FMN2: variants seen among roughly 807,000 people sequenced by gnomAD.
FMN2 encodes the protein formin-2.
FMN2 carries 51 observed loss-of-function variants against 142.3 expected under a neutral mutation model. The ratio of observed to expected loss-of-function variants is 0.36; its 90% CI spans 0.29 to 0.45. The LOEUF is 0.45. Among genes scored for constraint, FMN2 ranks in the 20% least tolerant of loss-of-function variants. The pLI is 1.00. For missense variants in FMN2, 1,936 were observed against 2,122.8 expected (o/e 0.91, Z 1.73); for synonymous variants, 882 against 869.8 (o/e 1.01, Z -0.25).
intron 14 of FMN2, among the ~76,000 whole-genome samples, chr1:240,382,647 TGA>T (rs1274757561): frequency 6.6e-6 from 1 of 151,272 alleles, no homozygotes; most frequent in Non-Finnish European, 1.5e-5. Flanking sequence ...GGTGACAGAG[TGA>T]GACTCCCTCT....
intron 2 of FMN2, among the ~76,000 whole-genome samples, chr1:240,137,372 TGTG>T (rs530362629): frequency 1.5e-3 from 223 of 152,292 alleles, no homozygotes; most frequent in African/African-American, 5.3e-3. Context: ...AGTCCACTGT[TGTG>T]GTGTAAAAGC....
intron 7 of FMN2, among the ~76,000 whole-genome samples, chr1:240,293,594 T>C (rs1669864577): frequency 6.6e-6 from 1 of 152,176 alleles, no homozygotes; most frequent in Non-Finnish European, 1.5e-5. Context: ...ACTGTGCCTT[T>C]ACTACTTTGA....
chr1:240,257,865 A>G, intron 6 of FMN2, 80 bp from the exon 7 acceptor site: 1 of 1,167,034 alleles, frequency 8.6e-7, no homozygotes, highest in Non-Finnish European at 1.3e-6. Flanking sequence ...TTTGTTCTTC[A>G]TTTAGGATTT....
chr1:240,299,736 C>T (rs1384984709), intron 8 of FMN2, among the ~76,000 whole-genome samples: 3 of 152,018 alleles, frequency 2.0e-5, no homozygotes, highest in East Asian at 3.9e-4. Flanking sequence ...TTTTGAGTGT[C>T]CGCTGGACTG....
intron 6 of FMN2, among the ~76,000 whole-genome samples, chr1:240,256,283 G>A (rs1439539691): frequency 6.6e-6 from 1 of 152,044 alleles, no homozygotes; most frequent in Non-Finnish European, 1.5e-5. Context: ...ATACTTTGCT[G>A]TACTAATAGG....
intron 2 of FMN2, among the ~76,000 whole-genome samples, chr1:240,133,335 T>TA (rs145597780): frequency 3.3e-5 from 5 of 152,086 alleles, no homozygotes; most frequent in Admixed American, 3.3e-4. Flanking sequence ...ACCAGCTAAT[T>TA]AAAAAAAATT....
chr1:240,419,506 G>A (rs138258319), intron 15 of FMN2, among the ~76,000 whole-genome samples: 1 of 152,230 alleles, frequency 6.6e-6, no homozygotes, highest in Non-Finnish European at 1.5e-5. Context: ...ACTACAAGCT[G>A]TACTTTTGCC....
chr1:240,245,657 T>C, intron 6 of FMN2: 1 of 468,298 alleles, frequency 2.1e-6, no homozygotes, highest in Admixed American at 2.4e-5. Flanking sequence ...GTTAAAATAC[T>C]GGTTTGGTGG....
chr1:240,145,247 T>A, intron 2 of FMN2: 3 of 1,481,294 alleles, frequency 2.0e-6, no homozygotes, highest in Non-Finnish European at 2.8e-6. Flanking sequence ...AGACAGCTCC[T>A]GTTCTTTGTC....
chr1:240,314,843 A>C (rs939817513), intron 8 of FMN2, among the ~76,000 whole-genome samples: 1 of 152,188 alleles, frequency 6.6e-6, no homozygotes, highest in African/African-American at 2.4e-5. Flanking sequence ...TTGTTTTTAC[A>C]TAAATTCTGT....
At chr1:240,154,471 T>G (rs1663928858) in intron 2 of FMN2, among the ~76,000 whole-genome samples, 1 of 152,162 alleles carries the variant, frequency 6.6e-6, no homozygotes. Context: ...TGAAAGATCC[T>G]GACACATTGA....
At position 240,150,098 on chromosome 1, in the gene FMN2, CAG is replaced by C. The variant is rs151267617; in HGVS notation, c.1782+26755_1782+26756del. 5.5e-3 allele frequency among the ~76,000 whole-genome samples: 837 copies of C among 152,250 alleles called. 28 individuals are homozygous for C. The highest frequency in any genetic ancestry group is 0.04 in the Admixed American group (607 of 15,284). On this transcript the variant is annotated intron_variant, in intron 2 of 17. Transcript: ENST00000319653. ...AACACAACTTCCTTTTCAGATAAAA[CAG>C]ATTTTTAATTAAGTTGTATTTGCTA... is the stretch of plus-strand genomic sequence containing the variant.
intron 8 of FMN2, among the ~76,000 whole-genome samples, chr1:240,309,881 C>G (rs1670544175): frequency 6.6e-6 from 1 of 152,148 alleles, no homozygotes; most frequent in African/African-American, 2.4e-5. Context: ...TCTGGCATGA[C>G]AGTCACGTGT....
intron 8 of FMN2, among the ~76,000 whole-genome samples, chr1:240,303,746 T>C (rs1443433373): frequency 1.3e-5 from 2 of 152,190 alleles, no homozygotes; most frequent in Non-Finnish European, 2.9e-5. Flanking sequence ...TTTAAAAATA[T>C]CCTCTCTGTT....
chr1:240,375,239 G>T (rs533442033), intron 14 of FMN2, among the ~76,000 whole-genome samples: 1 of 152,240 alleles, frequency 6.6e-6, no homozygotes, highest in African/African-American at 2.4e-5. Context: ...AGATAATAAT[G>T]GGAAAGTTTG....
chr1:240,258,700 G>A (rs1291557228), intron 7 of FMN2, among the ~76,000 whole-genome samples: 1 of 152,152 alleles, frequency 6.6e-6, no homozygotes, highest in Non-Finnish European at 1.5e-5. Context: ...GGATTCTACT[G>A]TACAATTGAC....
intron 6 of FMN2, among the ~76,000 whole-genome samples, chr1:240,246,062 C>T (rs967958373): frequency 6.6e-6 from 1 of 152,144 alleles, no homozygotes; most frequent in Admixed American, 6.5e-5. Flanking sequence ...TGCCTGTAGT[C>T]CCAGCTACTC....
chr1:240,356,293 A>G (rs1279518746), intron 14 of FMN2, among the ~76,000 whole-genome samples: 1 of 152,130 alleles, frequency 6.6e-6, no homozygotes, highest in Admixed American at 6.5e-5. Flanking sequence ...TCAACCTGGT[A>G]TTTATTTGGC....
intron 14 of FMN2, among the ~76,000 whole-genome samples, chr1:240,388,552 T>G (rs1314341609): frequency 6.6e-6 from 1 of 151,982 alleles, no homozygotes; most frequent in Non-Finnish European, 1.5e-5. Context: ...CTCTCAGAGA[T>G]CTGGGATGCC....
Sources: allele counts gnomAD v4.1 joint callset (sites outside exome capture counted in the v4.1 genomes callset), GRCh38; gene constraint gnomAD v4.1.1; transcripts MANE v1.5; gene names NCBI Gene and HGNC (gene_info 2026-07-23, HGNC 2026-07-21).